The following NRXN1 variants were observed in gnomAD, a reference collection of about 807,000 sequenced individuals.
NRXN1 encodes the protein neurexin-1.
Under a neutral mutation model 150.9 loss-of-function variants are expected in NRXN1, and 39 were observed. That is an observed-to-expected ratio of 0.26 (90% confidence interval 0.20 to 0.34). The LOEUF (loss-of-function observed/expected upper bound fraction) is 0.34. Ranked by LOEUF, NRXN1 falls within the 10% of genes least tolerant of loss-of-function variation. The pLI is 1.00. For synonymous variants in NRXN1, 924 were observed against 757.0 expected, an observed-to-expected ratio of 1.22 and a Z score of -3.62; for missense variants, 1,815 against 1,949.9, an observed-to-expected ratio of 0.93 and a Z score of 1.30.
chr2:50,378,882 A>T (rs145292405), intron 17 of NRXN1, among the ~76,000 whole-genome samples: 27 of 152,258 alleles, frequency 1.8e-4, no homozygotes, highest in African/African-American at 6.3e-4. Context: ...CTTCACACAC[A>T]TATGGGTTGC....
At chr2:50,130,316 C>G (rs1705282663) in intron 18 of NRXN1, among the ~76,000 whole-genome samples, 1 of 152,060 alleles carries the variant, frequency 6.6e-6, no homozygotes, top group Non-Finnish European at 1.5e-5. Context: ...CACAGACAAA[C>G]AAGCAGGGGG....
intron 11 of NRXN1, among the ~76,000 whole-genome samples, chr2:50,530,571 T>G (rs1002913328): frequency 6.6e-6 from 1 of 152,190 alleles, no homozygotes; most frequent in Non-Finnish European, 1.5e-5. Flanking sequence ...TCTTTCTTAA[T>G]GCTACAATTA....
rs1186966679 is a variant in NRXN1 at position 50,266,293 on chromosome 2, C to T, written c.3365-29323G>A. ...GGATTACAGGTGTGAGCCACCACTC[C>T]TGGCTGAGGATCAATTTTGAGATCA... On this transcript the variant is annotated intron_variant, in intron 17 of 22. Transcript: ENST00000401669. Among the ~76,000 whole-genome samples the T allele has an allele frequency of 2.7e-5, 4 of 150,314 alleles. No homozygotes were observed. The East Asian group carries it at 7.8e-4, about 29-fold the overall frequency.
At chr2:50,106,297 C>T (rs1408870487) in intron 18 of NRXN1, among the ~76,000 whole-genome samples, 1 of 151,848 alleles carries the variant, frequency 6.6e-6, no homozygotes, top group Non-Finnish European at 1.5e-5. Context: ...CAAGATGCTG[C>T]CCCAGAATGA....
At chr2:50,353,283 A>G (rs1017877123) in intron 17 of NRXN1, among the ~76,000 whole-genome samples, 4 of 152,160 alleles carry the variant, frequency 2.6e-5, no homozygotes, top group Non-Finnish European at 4.4e-5. Flanking sequence ...TATAACTGCA[A>G]GTTCAAGTGT....
At chr2:50,970,351 T>C (rs1443070256) in intron 2 of NRXN1, among the ~76,000 whole-genome samples, 2 of 152,062 alleles carry the variant, frequency 1.3e-5, no homozygotes, top group Admixed American at 6.6e-5. Flanking sequence ...CATTTGGTGA[T>C]ATTGTTTTCT....
chr2:50,178,443 T>C (rs2060485907), intron 18 of NRXN1, among the ~76,000 whole-genome samples: 1 of 152,074 alleles, frequency 6.6e-6, no homozygotes, highest in Non-Finnish European at 1.5e-5. Flanking sequence ...AACTTTTTCA[T>C]GCTACTTTTT....
At position 50,466,102 on chromosome 2, in the gene NRXN1, A is replaced by T. The variant is rs189289008; in HGVS notation, c.3245-541T>A. ...CAATTCACATGCTTTTAACAATTTC[A>T]TGCAATTAAACATAAAATTAAAAAC... On this transcript the variant is annotated intron_variant, in intron 16 of 22. Transcript: ENST00000401669. Among the ~76,000 whole-genome samples, 3 of 151,930 alleles carry T rather than the reference A, an allele frequency of 2.0e-5. No homozygotes were observed. The East Asian group carries it at 5.8e-4, about 30-fold the overall frequency.
At position 50,350,910 on chromosome 2, in the gene NRXN1, C is replaced by T. The variant is rs2078364306; in HGVS notation, c.3365-113940G>A. On this transcript the variant is annotated intron_variant, in intron 17 of 22. Transcript: ENST00000401669. ...TAGTCTTCCAGGCAGATGTCTAGGG[C>T]ACCTTTGCAATACTTAGGAGGTTCT... is the stretch of plus-strand genomic sequence containing the variant. Among the ~76,000 whole-genome samples the T allele has an allele frequency of 2.0e-5, 3 of 152,118 alleles. No individual in the cohort carries two copies. The South Asian group carries it at 6.2e-4, about 31-fold the overall frequency.
intron 18 of NRXN1, among the ~76,000 whole-genome samples, chr2:50,211,790 C>T (rs2063035526): frequency 6.6e-6 from 1 of 151,336 alleles, no homozygotes; most frequent in Admixed American, 6.6e-5. Flanking sequence ...CTAAATATCT[C>T]TTAGTCAACC....
rs1320244979 is a variant in NRXN1 at position 50,497,557 on chromosome 2, A to G, written c.2655T>C (p.Asn885=). Reference sequence around the variant, plus strand: ...TAAGCTCACAGTAATCTATGTCGCCATTTTTACACAGGTCAATGTATGCCA... The same window carrying G: ...TAAGCTCACAGTAATCTATGTCGCCGTTTTTACACAGGTCAATGTATGCCA... ...NGMAYIDLCK[N]GDIDYCELNA... is the part of the protein sequence containing the mutation. The change falls in exon 14 of 23, where the codon AAT becomes AAC. Residue 885 remains asparagine (N), a synonymous_variant. Transcript: ENST00000401669. 1.9e-6 allele frequency: 3 copies of G among 1,613,860 alleles called. No homozygotes were observed. The highest frequency in any genetic ancestry group is 1.7e-5 in the Admixed American group (1 of 60,002).
At chr2:50,998,680 T>C (rs1228401195) in intron 2 of NRXN1, among the ~76,000 whole-genome samples, 3 of 152,060 alleles carry the variant, frequency 2.0e-5, no homozygotes, top group Non-Finnish European at 4.4e-5. Context: ...GATTAGAATA[T>C]AAATCTACAG....
chr2:50,409,002 G>C (rs1490289132), intron 17 of NRXN1, among the ~76,000 whole-genome samples: 3 of 152,100 alleles, frequency 2.0e-5, no homozygotes, highest in Non-Finnish European at 2.9e-5. Context: ...GTAACTTTTT[G>C]GAGTGGCATT....
chr2:49,953,682 A>G (rs1674391591), intron 21 of NRXN1, among the ~76,000 whole-genome samples: 2 of 152,028 alleles, frequency 1.3e-5, no homozygotes, highest in South Asian at 4.1e-4. Context: ...TTAAATACAT[A>G]TATTTATATA....
intron 8 of NRXN1, among the ~76,000 whole-genome samples, chr2:50,569,513 T>C (rs1670346362): frequency 6.6e-6 from 1 of 152,042 alleles, no homozygotes; most frequent in Non-Finnish European, 1.5e-5. Context: ...ATTTGTTATA[T>C]ATATTATATG....
intron 5 of NRXN1, among the ~76,000 whole-genome samples, chr2:50,901,805 T>A (rs1255264626): frequency 6.6e-6 from 1 of 152,216 alleles, no homozygotes. Flanking sequence ...TCAGTAAATG[T>A]GAATTATAGC....
chr2:49,947,734 A>G (rs1673205746), intron 21 of NRXN1, among the ~76,000 whole-genome samples: 1 of 151,938 alleles, frequency 6.6e-6, no homozygotes, highest in Non-Finnish European at 1.5e-5. Flanking sequence ...TAATAATGCC[A>G]AAGTTGAGAA....
intron 2 of NRXN1, among the ~76,000 whole-genome samples, chr2:50,984,450 C>A (rs1697362080): frequency 6.6e-6 from 1 of 151,902 alleles, no homozygotes; most frequent in African/African-American, 2.4e-5. Flanking sequence ...AAAAGTTTGC[C>A]AATCTCCATT....
intron 17 of NRXN1, among the ~76,000 whole-genome samples, chr2:50,271,114 T>C (rs573069499): frequency 3.3e-5 from 5 of 152,254 alleles, no homozygotes; most frequent in South Asian, 4.1e-4. Flanking sequence ...AGTAATATAG[T>C]AAAGTAGTGT....
Sources: gnomAD v4.1 joint callset for allele counts (sites outside exome capture counted in the v4.1 genomes callset) on GRCh38, gnomAD v4.1.1 for gene constraint, MANE v1.5 for transcripts, NCBI Gene and HGNC (gene_info 2026-07-23, HGNC 2026-07-21) for gene names.